Variants in TSPAN15 observed in about 807,000 individuals in gnomAD.
TSPAN15 encodes the protein tetraspanin 15, also known as tetraspanin-15.
A neutral mutation model predicts 34.5 loss-of-function variants in TSPAN15; 20 were observed. The observed-to-expected ratio is 0.58, with a 90% CI of 0.41 to 0.84. The LOEUF (loss-of-function observed/expected upper bound fraction) is 0.84. Among genes scored for constraint, TSPAN15 ranks in the 40% least tolerant of loss-of-function variants. TSPAN15 has a pLI of 0.00. For synonymous variants in TSPAN15, 155 were observed against 153.9 expected (o/e 1.01, Z -0.05); for missense variants, 313 against 386.1 (o/e 0.81, Z 1.59).
At chr10:69,501,272 A>G (rs1842202183) in intron 5 of TSPAN15, among the ~76,000 whole-genome samples, 1 of 152,196 alleles carries the variant, frequency 6.6e-6, no homozygotes, top group African/African-American at 2.4e-5. Flanking sequence ...GTAAACACGG[A>G]CATCATCTGC....
chr10:69,462,696 G>A (rs1460062529), intron 1 of TSPAN15, among the ~76,000 whole-genome samples: 1 of 152,198 alleles, frequency 6.6e-6, no homozygotes, highest in Non-Finnish European at 1.5e-5. Flanking sequence ...CGAAACCACA[G>A]CTCAGGGTGG....
At chr10:69,546,277 T>C in the TSPAN15 span, among the ~76,000 whole-genome samples, 13,725 of 152,236 alleles carry the variant, frequency 0.09, 653 homozygotes, top group East Asian at 0.14. Context: ...AGTCTCTAGA[T>C]TCCAGATACT....
chr10:69,498,615 T>C (rs1842140326), intron 5 of TSPAN15, among the ~76,000 whole-genome samples: 1 of 152,148 alleles, frequency 6.6e-6, no homozygotes, highest in Non-Finnish European at 1.5e-5. Flanking sequence ...CTTAGTGGTG[T>C]TGGTTAAAAT....
At chr10:69,477,175 G>A (rs533582152) in intron 1 of TSPAN15, among the ~76,000 whole-genome samples, 21 of 152,002 alleles carry the variant, frequency 1.4e-4, no homozygotes, top group African/African-American at 3.9e-4. Flanking sequence ...TCACTCTGTC[G>A]CCAGGCTGGA....
intron 1 of TSPAN15, among the ~76,000 whole-genome samples, chr10:69,459,892 C>T (rs1235367473): frequency 6.8e-6 from 1 of 147,494 alleles, no homozygotes; most frequent in South Asian, 2.2e-4. Context: ...TAGGGTCCCC[C>T]ACCCACGGAG....
intron 1 of TSPAN15, among the ~76,000 whole-genome samples, chr10:69,457,058 G>A (rs1452948376): frequency 6.6e-6 from 1 of 152,156 alleles, no homozygotes; most frequent in East Asian, 1.9e-4. Context: ...CACCACACAG[G>A]GTGAATCATT....
At position 69,485,176 on chromosome 10, in the gene TSPAN15, G is replaced by A. The variant is rs764431854; in HGVS notation, c.318G>A (p.Glu106=). The A allele has an allele frequency of 6.9e-5, 111 of 1,614,082 alleles. No homozygotes were observed. The highest frequency in any genetic ancestry group is 9.2e-5 in the Non-Finnish European group (108 of 1,180,038). The change falls in exon 3 of 8, where the codon GAG becomes GAA. Residue 106 remains glutamate (E), a synonymous_variant. Transcript: ENST00000373290. ...TCCTTGGGATCTGCCTCATCATGGA[G>A]CTCATTGGTGGCGTGGTGGCCTTGA... ...MYILGICLIM[E]LIGGVVALTF... is the part of the protein sequence containing the mutation.
rs184379875 is a variant in TSPAN15 at position 69,501,166 on chromosome 10, G to C, written c.570+2770G>C. 6.5e-4 allele frequency among the ~76,000 whole-genome samples: 99 copies of C among 152,310 alleles called. No homozygotes were observed. In the East Asian group the frequency reaches 0.019, roughly 29 times the overall value. On this transcript the variant is annotated intron_variant, in intron 5 of 7. Coordinates refer to ENST00000373290, the MANE Select transcript of TSPAN15 (RefSeq NM_012339.5). ...GTGACCAGGAGCTCACCGTGGACGT[G>C]GGGGGTTTGAGAGCCTGTTCAGCAT...
rs117006591 is a variant in TSPAN15, at chr10:69,455,323, T to C, written c.96+3633T>C. On this transcript the variant is annotated intron_variant, in intron 1 of 7. Coordinates refer to ENST00000373290, the MANE Select transcript of TSPAN15 (RefSeq NM_012339.5). ...AGGACAAACATATGTATATTTAAAA[T>C]AAGGTAGCACACTATACACAGAACT... 8.2e-3 allele frequency among the ~76,000 whole-genome samples: 1,240 copies of C among 151,928 alleles called. 9 individuals carry two copies. The highest frequency in any genetic ancestry group is 0.013 in the Non-Finnish European group (900 of 68,024).
At chr10:69,516,147 G>C in the TSPAN15 span, among the ~76,000 whole-genome samples, 1 of 152,180 alleles carries the variant, frequency 6.6e-6, no homozygotes, top group African/African-American at 2.4e-5. Context: ...CTCTCATTCG[G>C]TCACTATGTA....
At position 69,506,716 on chromosome 10, in the gene TSPAN15, A is replaced by C. The variant is rs1842334203; in HGVS notation, c.736-113A>C. ...CTGCTGTGGGTGTTGCCCAGGTCAC[A>C]CAGGACCATGAGGGCTTGGGACTGG... On this transcript the variant is annotated intron_variant, in intron 7 of 7. Transcript: ENST00000373290. This position sits in a 1 kb window ranked among gnomAD's most constrained non-coding sequence, Gnocchi z 4.7. The C allele has an allele frequency of 9.0e-7, 1 of 1,106,860 alleles. No homozygotes were observed. Among genetic ancestry groups the C allele is most frequent in the Non-Finnish European group, 1.3e-6 (1 of 762,118 alleles). 68.6% of individuals were successfully genotyped at this position (1,106,860 alleles called of 1,614,324 possible). A position where few individuals can be genotyped will look rare whatever the true frequency, so the allele number is the denominator to read the frequency against.
chr10:69,504,581 C>T (rs1410662293), intron 6 of TSPAN15, 96 bp downstream of exon 6: 2 of 1,288,926 alleles, frequency 1.6e-6, no homozygotes, highest in Non-Finnish European at 1.1e-6. Flanking sequence ...GTCCTGGCCA[C>T]TGAGATTTTC....
At chr10:69,499,036 T>C (rs941509792) in intron 5 of TSPAN15, among the ~76,000 whole-genome samples, 1 of 152,234 alleles carries the variant, frequency 6.6e-6, no homozygotes, top group African/African-American at 2.4e-5. Flanking sequence ...AATGCCATCC[T>C]CTTCCTCTCC....
chr10:69,455,389 G>A (rs1253235867), intron 1 of TSPAN15, among the ~76,000 whole-genome samples: 3 of 152,122 alleles, frequency 2.0e-5, no homozygotes, highest in Admixed American at 2.0e-4. Flanking sequence ...AAATCCACGT[G>A]AATTATGGAG....
At chr10:69,530,737 G>A in the TSPAN15 span, among the ~76,000 whole-genome samples, 3 of 133,854 alleles carry the variant, frequency 2.2e-5, no homozygotes, top group African/African-American at 8.1e-5. Flanking sequence ...CTTGAGCCTG[G>A]GAGGCAGAGG....
the TSPAN15 span, among the ~76,000 whole-genome samples, chr10:69,527,497 A>T: frequency 6.8e-6 from 1 of 146,776 alleles, no homozygotes; most frequent in Non-Finnish European, 1.5e-5. Context: ...CGGGAGGCTG[A>T]GGCAGGAGAA....
chr10:69,480,444 A>ACG (rs1841709382), intron 1 of TSPAN15, among the ~76,000 whole-genome samples: 1 of 152,170 alleles, frequency 6.6e-6, no homozygotes, highest in African/African-American at 2.4e-5. Context: ...GGTGAGAATT[A>ACG]CGCTTTTCAT....
Position 69,506,346 on chromosome 10 carries a change from C to G in TSPAN15, c.735+106C>G. 2.7e-6 allele frequency: 3 copies of G among 1,112,190 alleles called. No individual in the cohort carries two copies. Among genetic ancestry groups the G allele is most frequent in the Non-Finnish European group, 4.0e-6 (3 of 754,128 alleles). 68.9% of individuals were successfully genotyped at this position (1,112,190 alleles called of 1,614,324 possible). Reference sequence around the variant, plus strand: ...AGGCTTTTTTCATAGAAGTCCAGGACTTGCCTGGGGAGGGCTGCATGGCTG... The same window carrying G: ...AGGCTTTTTTCATAGAAGTCCAGGAGTTGCCTGGGGAGGGCTGCATGGCTG... On this transcript the variant is annotated intron_variant, in intron 7 of 7. Transcript: ENST00000373290. The surrounding 1 kb of genome is among the most constrained non-coding windows in gnomAD (Gnocchi z 4.7).
chr10:69,500,241 T>C (rs1842176648), intron 5 of TSPAN15, among the ~76,000 whole-genome samples: 1 of 152,194 alleles, frequency 6.6e-6, no homozygotes, highest in South Asian at 2.1e-4. Flanking sequence ...TCAGTTCGGC[T>C]GGAGGCCTCA....
Sources: gnomAD v4.1 joint callset for allele counts (sites outside exome capture counted in the v4.1 genomes callset) on GRCh38, gnomAD v4.1.1 for gene constraint, Gnocchi (gnomAD v3.1) non-coding constraint, MANE v1.5 for transcripts, NCBI Gene and HGNC (gene_info 2026-07-23, HGNC 2026-07-21) for gene names.